The following SMC4 variants were observed in gnomAD, a reference collection of about 807,000 sequenced individuals.
SMC4 encodes the protein structural maintenance of chromosomes protein 4.
In SMC4, 87 loss-of-function variants were observed where a neutral mutation model predicts 145.6. The ratio of observed to expected loss-of-function variants is 0.60; its 90% CI spans 0.50 to 0.71. SMC4 has a LOEUF of 0.71. Ranked by LOEUF, SMC4 falls within the 30% of genes least tolerant of loss-of-function variation. The pLI is 0.00. For missense variants in SMC4, 1,447 were observed against 1,537.1 expected (o/e 0.94, Z 0.98); for synonymous variants, 558 against 500.7 (o/e 1.11, Z -1.53).
chr3:160,420,905 G>C lies in SMC4; in HGVS notation c.2019+4G>C, dbSNP rs774679117. ...AACCTTTATAGGTTTAGATAAGGTG[G>C]GTATTCGTAATAACCTACCTATAAT... On this transcript the variant is annotated splice_donor_region_variant and intron_variant, in intron 13 of 23. Transcript: ENST00000357388. 5 of 1,592,934 alleles carry C rather than the reference G, an allele frequency of 3.1e-6. No individual in the cohort carries two copies. In the South Asian group the frequency reaches 5.8e-5, roughly 18 times the overall value.
Position 160,433,218 on chromosome 3 carries a change from T to G in SMC4, c.3714+9T>G. ...TTGCATTTTATATATATGTAAGTAA[T>G]CATTTTGGGATTTTCATTCCAGAAA... On this transcript the variant is annotated intron_variant, in intron 23 of 23. Transcript: ENST00000357388. 1 of 1,591,222 alleles carries G rather than the reference T, an allele frequency of 6.3e-7. No homozygotes were observed. Among genetic ancestry groups the G allele is most frequent in the Non-Finnish European group, 8.6e-7 (1 of 1,164,900 alleles).
intron 18 of SMC4, among the ~76,000 whole-genome samples, 156 bp downstream of exon 18, chr3:160,429,098 C>T (rs1160316297): frequency 6.6e-6 from 1 of 152,090 alleles, no homozygotes; most frequent in Non-Finnish European, 1.5e-5. Context: ...GACGGAAAAC[C>T]TATAATGAAC....
intron 16 of SMC4, among the ~76,000 whole-genome samples, chr3:160,425,604 T>C (rs1717709327): frequency 6.6e-6 from 1 of 152,206 alleles, no homozygotes; most frequent in Admixed American, 6.5e-5. Context: ...TAACATAATT[T>C]GACAAATTTT....
At chr3:160,421,443 A>G (rs982883775) in intron 13 of SMC4, among the ~76,000 whole-genome samples, 8 of 152,166 alleles carry the variant, frequency 5.3e-5, no homozygotes, top group Admixed American at 2.0e-4. Flanking sequence ...TAATTTACCT[A>G]CAATAAAATT....
chr3:160,414,759 A>G (rs533339453), intron 9 of SMC4, among the ~76,000 whole-genome samples: 134 of 152,248 alleles, frequency 8.8e-4, no homozygotes, highest in African/African-American at 3.0e-3. Context: ...TCTGTTGTCC[A>G]GGCTAGCGTG....
chr3:160,421,599 C>G (rs1266914596), intron 13 of SMC4, among the ~76,000 whole-genome samples: 1 of 152,028 alleles, frequency 6.6e-6, no homozygotes, highest in Non-Finnish European at 1.5e-5. Context: ...CAAAAATTAG[C>G]TAGGCATGGT....
At chr3:160,410,933 G>C (rs900400721) in intron 5 of SMC4, among the ~76,000 whole-genome samples, 1 of 152,086 alleles carries the variant, frequency 6.6e-6, no homozygotes, top group Non-Finnish European at 1.5e-5. Flanking sequence ...AAAATAAGAG[G>C]TATATCTTTT....
At chr3:160,428,144 G>T (rs989920064) in intron 17 of SMC4, among the ~76,000 whole-genome samples, 2 of 152,192 alleles carry the variant, frequency 1.3e-5, no homozygotes, top group Non-Finnish European at 2.9e-5. Flanking sequence ...AGACTTCTGT[G>T]TGACTGCTTG....
chr3:160,422,383 AGTCATCTTAG>A (rs1325156631), intron 13 of SMC4, among the ~76,000 whole-genome samples: 1 of 152,194 alleles, frequency 6.6e-6, no homozygotes, highest in African/African-American at 2.4e-5. Flanking sequence ...TTTTGATTAT[AGTCATCTTAG>A]TGAATATGAA....
In SMC4 at chr3:160,416,303, C is replaced by T; in HGVS notation, c.1325C>T (p.Thr442Ile). 6.3e-7 allele frequency: 1 copy of T among 1,595,998 alleles called. No homozygotes were observed. ...PAKSNNIINE[T>I]TTRNNALEKE... Reference sequence around the variant, plus strand: ...AAGAGTAACAATATCATTAATGAAACAACAACCAGAAACAATGCCCTCGAG... The same window carrying T: ...AAGAGTAACAATATCATTAATGAAATAACAACCAGAAACAATGCCCTCGAG... Residue 442 changes from threonine (T) to isoleucine (I), a missense_variant, in exon 10 of 24, where the codon ACA becomes ATA. By Grantham distance (89) the Thr-to-Ile change is moderately conservative (BLOSUM62 -1). Coordinates refer to ENST00000357388, the MANE Select transcript of SMC4 (RefSeq NM_001002800.3).
chr3:160,429,480 A>T (rs1403545487), intron 18 of SMC4, among the ~76,000 whole-genome samples: 1 of 151,992 alleles, frequency 6.6e-6, no homozygotes, highest in Non-Finnish European at 1.5e-5. Context: ...AGTAGCTGGG[A>T]CTACAGGAAT....
intron 16 of SMC4, 117 bp from the exon 17 acceptor site, chr3:160,425,957 C>T: frequency 1.4e-6 from 1 of 736,496 alleles, no homozygotes; most frequent in Non-Finnish European, 2.2e-6. Flanking sequence ...ACATATCTTT[C>T]CTCTTCCTAT....
In SMC4 at chr3:160,428,939, A is replaced by G. The variant is rs1718079994; in HGVS notation, c.2792A>G (p.Asp931Gly). ...GCCCAAGTAGCAATCAAGACTGCTG[A>G]CAGGTAGAGTATGCATGTTACCCTA... ...TKAQVAIKTA[D>G]RNLQKAQDSV... is the part of the protein sequence containing the mutation. The change falls in exon 18 of 24, where the codon GAC becomes GGC. Residue 931 changes from aspartate to glycine, a missense_variant. Coordinates refer to ENST00000357388, the MANE Select transcript of SMC4 (RefSeq NM_001002800.3). 1.9e-6 allele frequency: 3 copies of G among 1,583,088 alleles called. No individual in the cohort carries two copies. Among genetic ancestry groups the G allele is most frequent in the Non-Finnish European group, 2.6e-6 (3 of 1,172,484 alleles).
chr3:160,433,255 A>C, intron 23 of SMC4, 46 bp downstream of exon 23: 1 of 1,275,122 alleles, frequency 7.8e-7, no homozygotes, highest in South Asian at 1.3e-5. Flanking sequence ...TTTTAGGGGT[A>C]TCCTAAACAT....
At chr3:160,420,944 T>C in intron 13 of SMC4, 43 bp downstream of exon 13, 1 of 1,531,606 alleles carries the variant, frequency 6.5e-7, no homozygotes, top group Non-Finnish European at 8.8e-7. Flanking sequence ...AATTTTTTTT[T>C]TTTGAGACGT....
chr3:160,417,948 T>G lies in SMC4; in HGVS notation c.1663T>G (p.Leu555Val). ...EGKLPQTEQE[L>V]KEKEKELQKL... ...AAAACTCCCTCAAACTGAACAAGAA[T>G]TAAAGGAGGTAAATCTTTGCTTCTC... The change falls in exon 11 of 24, where the codon TTA (leucine) becomes GTA (valine). Residue 555 changes from leucine to valine, a missense_variant. Physicochemically the swap from Leu to Val is conservative, Grantham distance 32. Coordinates refer to ENST00000357388, the MANE Select transcript of SMC4 (RefSeq NM_001002800.3). 6.2e-7 allele frequency: 1 copy of G among 1,609,018 alleles called. No individual in the cohort carries two copies. The highest frequency in any genetic ancestry group is 8.5e-7 in the Non-Finnish European group (1 of 1,177,056).
At chr3:160,406,963 T>A (rs1178735632) in intron 5 of SMC4, among the ~76,000 whole-genome samples, 1 of 152,196 alleles carries the variant, frequency 6.6e-6, no homozygotes, top group African/African-American at 2.4e-5. Context: ...TACATTTTCT[T>A]TTATATATAC....
Position 160,420,724 on chromosome 3 carries a change from C to G in SMC4, c.1858-16C>G. 1 of 1,606,940 alleles carries G rather than the reference C, an allele frequency of 6.2e-7. No individual in the cohort carries two copies. Among genetic ancestry groups the G allele is most frequent in the South Asian group, 1.1e-5 (1 of 89,090 alleles). ...TTTCTGCCTAACTCTTTTTTCACCC[C>G]ACTCTTCATTATTAGGGGGACTTAG... On this transcript the variant is annotated splice_polypyrimidine_tract_variant and intron_variant, in intron 12 of 23. Transcript: ENST00000357388.
In SMC4 at chr3:160,419,502, G is replaced by A; in HGVS notation, c.1816G>A (p.Glu606Lys). Residue 606 changes from glutamate to lysine, a missense_variant, in exon 12 of 24, where the codon GAA becomes AAA. Physicochemically the swap from Glu to Lys is moderately conservative, Grantham distance 56. Coordinates refer to ENST00000357388, the MANE Select transcript of SMC4 (RefSeq NM_001002800.3). ...GAAAGTCCTTGATGCAATAATTCAA[G>A]AAAAAAAATCTGGCAGGATTCCAGG... Reference protein sequence around the residue: ...RGKVLDAIIQEKKSGRIPGIY... With the variant: ...RGKVLDAIIQKKKSGRIPGIY... 1 of 1,596,872 alleles carries A rather than the reference G, an allele frequency of 6.3e-7. No homozygotes were observed. The highest frequency in any genetic ancestry group is 8.5e-7 in the Non-Finnish European group (1 of 1,174,952).
Sources: gnomAD v4.1 joint callset for allele counts (sites outside exome capture counted in the v4.1 genomes callset) on GRCh38, gnomAD v4.1.1 for gene constraint, MANE v1.5 for transcripts, NCBI Gene and HGNC (gene_info 2026-07-23, HGNC 2026-07-21) for gene names.